Variants in LHX6 observed in about 807,000 individuals in gnomAD.
The protein encoded by LHX6 is LIM homeobox 6.
LHX6 carries 15 observed loss-of-function variants against 47.1 expected under a neutral mutation model. The ratio of observed to expected loss-of-function variants is 0.32; its 90% confidence interval spans 0.21 to 0.49. The LOEUF (loss-of-function observed/expected upper bound fraction) is 0.49, where lower values mean the gene tolerates loss of function less well. Among genes scored for constraint, LHX6 ranks in the 20% least tolerant of loss-of-function variants. LHX6 has a pLI of 0.99. For missense variants in LHX6, 404 were observed against 539.6 expected (o/e 0.75, Z 2.49); for synonymous variants, 242 against 233.5 (o/e 1.04, Z -0.33).
In LHX6 at chr9:122,214,134, C is replaced by T; in HGVS notation, c.784-65G>A. 4 of 1,492,142 alleles carry T rather than the reference C, an allele frequency of 2.7e-6. No homozygotes were observed. The highest frequency in any genetic ancestry group is 1.9e-5 in the Admixed American group (1 of 53,624). The allele number at this position is 1,492,142 out of a possible 1,614,324, so 92.4% of individuals were successfully genotyped here. Reference sequence around the variant, plus strand: ...GACTCCGAGACCCCGGCCCAATCAGCGGCGCCAGTCCACAGGCCACGCCCC... The same window carrying T: ...GACTCCGAGACCCCGGCCCAATCAGTGGCGCCAGTCCACAGGCCACGCCCC... On this transcript the variant is annotated intron_variant, in intron 6 of 9. Coordinates refer to ENST00000394319, the MANE Select transcript of LHX6 (RefSeq NM_014368.5). The surrounding 1 kb of genome is among the most constrained non-coding windows in gnomAD (Gnocchi z 4.6).
In LHX6 at chr9:122,226,936, G is replaced by T; in HGVS notation, c.251C>A (p.Pro84Gln). ...CTPSTPSVCSPPSAASSVPSA... is the reference protein window; with the variant it reads ...CTPSTPSVCSQPSAASSVPSA... ...CGGCACGGAGGAGGCGGCAGAGGGC[G>T]GTGAGCAGACAGATGGCGTGCTGGG... The change falls in exon 3 of 10, where the codon CCG (proline) becomes CAG (glutamine). Residue 84 changes from proline to glutamine, a missense_variant. Physicochemically the swap from Pro to Gln is moderately conservative, Grantham distance 76. Transcript: ENST00000394319. The surrounding 1 kb of genome is among the most constrained non-coding windows in gnomAD (Gnocchi z 6.5). 6.4e-7 allele frequency: 1 copy of T among 1,558,620 alleles called. No homozygotes were observed. The highest frequency in any genetic ancestry group is 2.4e-5 in the East Asian group (1 of 42,260).
chr9:122,221,158 T>C (rs1830838110), intron 4 of LHX6: 1 of 985,194 alleles, frequency 1.0e-6, no homozygotes, highest in South Asian at 4.7e-5. Context: ...GGGTTGGAGG[T>C]GGGGCCCTAC....
chr9:122,205,542 T>A (rs1438504527), intron 9 of LHX6, among the ~76,000 whole-genome samples: 1 of 152,192 alleles, frequency 6.6e-6, no homozygotes, highest in Non-Finnish European at 1.5e-5. Flanking sequence ...GGCTGGTCAA[T>A]GGCAATGTGT....
chr9:122,223,228 AG>A (rs2118901481), intron 4 of LHX6, among the ~76,000 whole-genome samples: 1 of 152,238 alleles, frequency 6.6e-6, no homozygotes, highest in African/African-American at 2.4e-5. Context: ...TGATCAGAAG[AG>A]CCACAATTCT....
intron 8 of LHX6, among the ~76,000 whole-genome samples, chr9:122,211,493 T>G (rs1380534912): frequency 6.6e-6 from 1 of 152,236 alleles, no homozygotes; most frequent in Non-Finnish European, 1.5e-5. Flanking sequence ...GAAAAACTCA[T>G]TTTTCTGGGG....
intron 4 of LHX6, among the ~76,000 whole-genome samples, chr9:122,220,432 G>A (rs1830797889): frequency 6.6e-6 from 1 of 152,234 alleles, no homozygotes; most frequent in African/African-American, 2.4e-5. Flanking sequence ...GGAGTCAGCA[G>A]CACGAAGGGC....
At position 122,213,597 on chromosome 9, in the gene LHX6, G is replaced by T. The variant is rs758258901; in HGVS notation, c.1054+9C>A. On this transcript the variant is annotated intron_variant, in intron 8 of 9. Coordinates refer to ENST00000394319, the MANE Select transcript of LHX6 (RefSeq NM_014368.5). This position sits in a 1 kb window ranked among gnomAD's most constrained non-coding sequence, Gnocchi z 5.5. ...AGGCCCAGCGGCTCCCGGCGCTGCG[G>T]TTACTTACTCTCAATGTAGCCGTGC... 1.3e-6 allele frequency: 2 copies of T among 1,561,964 alleles called. No homozygotes were observed. The highest frequency in any genetic ancestry group is 2.3e-5 in the East Asian group (1 of 43,870).
chr9:122,220,706 G>T (rs1830816445), intron 4 of LHX6, among the ~76,000 whole-genome samples: 1 of 152,170 alleles, frequency 6.6e-6, no homozygotes, highest in Non-Finnish European at 1.5e-5. Flanking sequence ...AAGGATGCGC[G>T]GCGCTTTGGG....
chr9:122,222,306 T>A (rs745694131), intron 4 of LHX6, among the ~76,000 whole-genome samples: 1 of 152,234 alleles, frequency 6.6e-6, no homozygotes, highest in African/African-American at 2.4e-5. Context: ...AAAGGAGCAC[T>A]ATTCTTCCTC....
Position 122,226,615 on chromosome 9 carries a change from C to A in LHX6, c.340-118G>T. The A allele has an allele frequency of 7.0e-7, 1 of 1,432,206 alleles. No individual in the cohort carries two copies. The highest frequency in any genetic ancestry group is 9.4e-7 in the Non-Finnish European group (1 of 1,065,038). The allele number at this position is 1,432,206 out of a possible 1,614,324, so 88.7% of individuals were successfully genotyped here. ...TGAAGCTCAGAAGGTGCATGCGATT[C>A]CCCTATTTTTCTCCCGTAATACTGA... On this transcript the variant is annotated intron_variant, in intron 3 of 9. Coordinates refer to ENST00000394319, the MANE Select transcript of LHX6 (RefSeq NM_014368.5). The surrounding 1 kb of genome is among the most constrained non-coding windows in gnomAD (Gnocchi z 6.5).
Position 122,213,499 on chromosome 9 carries a change from G to C in LHX6, c.1054+107C>G. 9.9e-7 allele frequency: 1 copy of C among 1,008,428 alleles called. No homozygotes were observed. Among genetic ancestry groups the C allele is most frequent in the Non-Finnish European group, 1.4e-6 (1 of 711,738 alleles). The allele number at this position is 1,008,428 out of a possible 1,614,324, so 62.5% of individuals were successfully genotyped here. A position where few individuals can be genotyped will look rare whatever the true frequency, so the allele number is the denominator to read the frequency against. On this transcript the variant is annotated intron_variant, in intron 8 of 9. Coordinates refer to ENST00000394319, the MANE Select transcript of LHX6 (RefSeq NM_014368.5). This position sits in a 1 kb window ranked among gnomAD's most constrained non-coding sequence, Gnocchi z 5.5. Reference sequence around the variant, plus strand: ...TCGGGTCCCGCTTCTTCACCCACGAGGCTCCCCAAGGCCCTCCACCCCACG... The same window carrying C: ...TCGGGTCCCGCTTCTTCACCCACGACGCTCCCCAAGGCCCTCCACCCCACG...
At chr9:122,221,646 C>T (rs1004319768) in intron 4 of LHX6, 5 of 985,348 alleles carry the variant, frequency 5.1e-6, no homozygotes, top group East Asian at 1.1e-4. Flanking sequence ...GGCCAGGGAC[C>T]GCAGTGACCT....
intron 4 of LHX6, among the ~76,000 whole-genome samples, chr9:122,222,628 C>A (rs1210380445): frequency 6.6e-6 from 1 of 152,218 alleles, no homozygotes; most frequent in African/African-American, 2.4e-5. Flanking sequence ...CTTCTCTAAG[C>A]TTTGCAGACC....
chr9:122,220,096 C>G (rs772968126), intron 4 of LHX6, among the ~76,000 whole-genome samples: 3 of 152,254 alleles, frequency 2.0e-5, no homozygotes, highest in Non-Finnish European at 4.4e-5. Flanking sequence ...ACGTCAAAGA[C>G]TCTCCGCGCA....
chr9:122,220,647 G>A (rs1014986388), intron 4 of LHX6, among the ~76,000 whole-genome samples: 1 of 152,252 alleles, frequency 6.6e-6, no homozygotes, highest in Non-Finnish European at 1.5e-5. Flanking sequence ...TTGCTGTGAG[G>A]TCCGGGCCTT....
At chr9:122,221,718 G>C in intron 4 of LHX6, 1 of 985,482 alleles carries the variant, frequency 1.0e-6, no homozygotes. Flanking sequence ...AGTGTTGCAA[G>C]ATCACCCAGG....
At chr9:122,220,844 C>T (rs1227771119) in intron 4 of LHX6, among the ~76,000 whole-genome samples, 1 of 152,200 alleles carries the variant, frequency 6.6e-6, no homozygotes, top group Non-Finnish European at 1.5e-5. Flanking sequence ...TGAAGGGAGC[C>T]CTGCGCCCTT....
chr9:122,224,189 G>A (rs547938585), intron 4 of LHX6, among the ~76,000 whole-genome samples: 23 of 152,166 alleles, frequency 1.5e-4, no homozygotes, highest in African/African-American at 5.3e-4. Context: ...CACCACACCT[G>A]GCTAAGTTTT....
chr9:122,218,997 G>C (rs545694604), intron 4 of LHX6, among the ~76,000 whole-genome samples: 6 of 152,172 alleles, frequency 3.9e-5, no homozygotes, highest in African/African-American at 1.4e-4. Flanking sequence ...GGGTCCCGGG[G>C]TTGGGTGTGG....
Sources: allele counts gnomAD v4.1 joint callset (sites outside exome capture counted in the v4.1 genomes callset), GRCh38; gene constraint gnomAD v4.1.1; non-coding constraint Gnocchi (gnomAD v3.1); transcripts MANE v1.5; gene names NCBI Gene and HGNC (gene_info 2026-07-23, HGNC 2026-07-21).